The following AOPEP variants were observed in gnomAD, a reference collection of about 807,000 sequenced individuals.
The protein encoded by AOPEP is aminopeptidase O.
Under a neutral mutation model 98.1 loss-of-function variants are expected in AOPEP, and 77 were observed. That is an observed-to-expected ratio of 0.78 (90% CI 0.65 to 0.95). The LOEUF (loss-of-function observed/expected upper bound fraction) is 0.95. Ranked by LOEUF, AOPEP falls within the 40% of genes least tolerant of loss-of-function variation. AOPEP has a pLI of 0.00. For missense variants in AOPEP, 1,024 were observed against 1,024.7 expected (o/e 1.00, Z 0.01); for synonymous variants, 346 against 365.3 (o/e 0.95, Z 0.60).
chr9:94,964,761 T>C lies in AOPEP; in HGVS notation c.1873-2997T>C, dbSNP rs999472799. Among the ~76,000 whole-genome samples, 4 of 150,160 alleles carry C rather than the reference T, an allele frequency of 2.7e-5. No homozygotes were observed. In the East Asian group the frequency reaches 8.1e-4, roughly 30 times the overall value. Reference sequence around the variant, plus strand: ...TTCATGCAATTCTCCTGCCTCAGCCTCCCAAGTAGCTGGTATTACAGGTGC... The same window carrying C: ...TTCATGCAATTCTCCTGCCTCAGCCCCCCAAGTAGCTGGTATTACAGGTGC... On this transcript the variant is annotated intron_variant, in intron 9 of 16. Transcript: ENST00000375315.
intron 5 of AOPEP, among the ~76,000 whole-genome samples, chr9:94,882,708 G>A (rs570137929): frequency 6.6e-6 from 1 of 152,340 alleles, no homozygotes; most frequent in East Asian, 1.9e-4. Context: ...CGCAGAAGGC[G>A]GAAGTTGCAG....
intron 7 of AOPEP, chr9:94,933,525 G>A: frequency 1.0e-6 from 1 of 985,372 alleles, no homozygotes; most frequent in Non-Finnish European, 1.2e-6. Context: ...CCTCCACTTT[G>A]ATACAATGCT....
chr9:95,044,948 T>G (rs1342815668), intron 13 of AOPEP, among the ~76,000 whole-genome samples: 4 of 152,180 alleles, frequency 2.6e-5, no homozygotes, highest in African/African-American at 9.7e-5. Flanking sequence ...TCGGCACACA[T>G]CTCAGGCTGT....
chr9:94,971,294 T>C (rs2059521052), intron 10 of AOPEP, among the ~76,000 whole-genome samples: 1 of 152,192 alleles, frequency 6.6e-6, no homozygotes, highest in East Asian at 1.9e-4. Flanking sequence ...GTGTTTTGTC[T>C]AGCAGGCTTA....
intron 13 of AOPEP, among the ~76,000 whole-genome samples, chr9:95,034,829 G>A (rs2064642218): frequency 6.6e-6 from 1 of 152,176 alleles, no homozygotes; most frequent in South Asian, 2.1e-4. Context: ...TTGAGAAGCG[G>A]GCCTTGCTGG....
At chr9:95,121,347 G>A in the AOPEP span, among the ~76,000 whole-genome samples, 1 of 152,200 alleles carries the variant, frequency 6.6e-6, no homozygotes, top group Non-Finnish European at 1.5e-5. Context: ...GAAAGGGTAA[G>A]AAGAGACAGA....
intron 14 of AOPEP, among the ~76,000 whole-genome samples, chr9:95,078,855 G>A (rs555823259): frequency 5.9e-5 from 9 of 152,372 alleles, no homozygotes; most frequent in African/African-American, 1.9e-4. Flanking sequence ...ACAGCTGGGC[G>A]CAGTTTCTTC....
chr9:95,110,206 A>G, the AOPEP span: 2 of 979,616 alleles, frequency 2.0e-6, no homozygotes, highest in Non-Finnish European at 2.4e-6. Context: ...AAGATGTGCC[A>G]ATGTAGAACT....
chr9:94,909,785 T>C (rs899536494), intron 5 of AOPEP, among the ~76,000 whole-genome samples: 2 of 152,152 alleles, frequency 1.3e-5, no homozygotes, highest in African/African-American at 2.4e-5. Flanking sequence ...ACTGGGCCTT[T>C]GTAAAAGAGC....
chr9:94,813,872 A>G (rs1588351281), intron 5 of AOPEP, among the ~76,000 whole-genome samples: 7 of 152,122 alleles, frequency 4.6e-5, no homozygotes, highest in Admixed American at 4.6e-4. Context: ...TACTCGAGGG[A>G]CCTCCACCCT....
At chr9:94,839,893 C>G (rs534696584) in intron 5 of AOPEP, among the ~76,000 whole-genome samples, 12 of 152,190 alleles carry the variant, frequency 7.9e-5, no homozygotes, top group African/African-American at 2.9e-4. Flanking sequence ...CTCAGCTTCC[C>G]AAGTAGCTGG....
intron 13 of AOPEP, among the ~76,000 whole-genome samples, chr9:95,033,259 C>T (rs2064479641): frequency 6.6e-6 from 1 of 152,096 alleles, no homozygotes; most frequent in Admixed American, 6.5e-5. Flanking sequence ...GTTCCTCTTT[C>T]TAGTACTAAC....
chr9:94,959,782 T>G (rs897394512), intron 9 of AOPEP, among the ~76,000 whole-genome samples: 8 of 152,208 alleles, frequency 5.3e-5, no homozygotes, highest in African/African-American at 1.7e-4. Flanking sequence ...ATGATATATA[T>G]ACATGTATCT....
At chr9:94,830,391 A>G (rs1588438358) in intron 5 of AOPEP, among the ~76,000 whole-genome samples, 2 of 152,372 alleles carry the variant, frequency 1.3e-5, no homozygotes, top group East Asian at 1.9e-4. Flanking sequence ...TTATGCCTGC[A>G]TAGTATTCCA....
intron 10 of AOPEP, among the ~76,000 whole-genome samples, chr9:94,978,055 G>A (rs1436683859): frequency 6.6e-6 from 1 of 152,088 alleles, no homozygotes; most frequent in Non-Finnish European, 1.5e-5. Flanking sequence ...TTTTCCTCCA[G>A]CCCTCCCAAA....
intron 1 of AOPEP, among the ~76,000 whole-genome samples, chr9:94,757,924 A>G (rs899835387): frequency 6.6e-6 from 1 of 152,246 alleles, no homozygotes; most frequent in African/African-American, 2.4e-5. Context: ...ATTATTCAAA[A>G]TGACAGGACA....
chr9:94,869,971 ATTTTTTT>A (rs10556167), intron 5 of AOPEP, among the ~76,000 whole-genome samples: 1 of 93,554 alleles, frequency 1.1e-5, no homozygotes, highest in African/African-American at 4.4e-5. Flanking sequence ...GAAGCCATGA[ATTTTTTT>A]TTTTTTTTTT....
chr9:94,963,349 C>A (rs2058981763), intron 9 of AOPEP, among the ~76,000 whole-genome samples: 1 of 152,118 alleles, frequency 6.6e-6, no homozygotes, highest in South Asian at 2.1e-4. Context: ...ACCAAATTAG[C>A]CATGTGCCAA....
At chr9:94,732,247 CT>C (rs57168878) in intron 1 of AOPEP, among the ~76,000 whole-genome samples, 24 of 147,414 alleles carry the variant, frequency 1.6e-4, no homozygotes, top group East Asian at 2.0e-4. Flanking sequence ...TTTCAGTCAA[CT>C]TTTTTTTTTT....
Sources: allele counts gnomAD v4.1 joint callset (sites outside exome capture counted in the v4.1 genomes callset), GRCh38; gene constraint gnomAD v4.1.1; transcripts MANE v1.5; gene names NCBI Gene and HGNC (gene_info 2026-07-23, HGNC 2026-07-21).